Variants in FER observed in about 807,000 individuals in gnomAD.
The protein encoded by FER is FER tyrosine kinase.
FER carries 63 observed loss-of-function variants against 111.0 expected under a neutral mutation model. The observed-to-expected ratio is 0.57, with a 90% CI of 0.46 to 0.70. The LOEUF is 0.70. FER is among the 30% of genes least tolerant of loss of function. FER has a pLI of 0.00. For synonymous variants in FER, 327 were observed against 313.9 expected (o/e 1.04, Z -0.44); for missense variants, 914 against 954.0 (o/e 0.96, Z 0.55).
Position 108,802,935 on chromosome 5 carries a change from C to A in FER, c.207+4546C>A, listed in dbSNP as rs1756830289. Among the ~76,000 whole-genome samples the A allele has an allele frequency of 2.0e-5, 3 of 152,136 alleles. No individual in the cohort carries two copies. The South Asian group carries it at 6.2e-4, about 31-fold the overall frequency. On this transcript the variant is annotated intron_variant, in intron 3 of 19. Coordinates refer to ENST00000281092, the MANE Select transcript of FER (RefSeq NM_005246.4). ...ATCTCTAGAGTGCTTTCTCTAGTGG[C>A]TGAACTAATTTACATTTCCACCAAC...
chr5:108,841,231 C>T (rs907657677), intron 5 of FER, among the ~76,000 whole-genome samples: 6 of 151,928 alleles, frequency 3.9e-5, no homozygotes, highest in East Asian at 1.9e-4. Flanking sequence ...AGGTAGTGAA[C>T]GCATTTCAGT....
chr5:109,023,262 G>T (rs1342546701), intron 13 of FER, among the ~76,000 whole-genome samples: 1 of 152,046 alleles, frequency 6.6e-6, no homozygotes, highest in East Asian at 1.9e-4. Flanking sequence ...TAAGATTTTT[G>T]GTTTGAGAAC....
At position 109,189,210 on chromosome 5, in the gene FER, A is replaced by G. The variant is rs975871872; in HGVS notation, c.*1635A>G. On this transcript the variant is annotated 3_prime_UTR_variant, in exon 20 of 20. Coordinates refer to ENST00000281092, the MANE Select transcript of FER (RefSeq NM_005246.4). ...TACTTACTTACCCCATGATCTGTATATAGTTGCCTCTCAGGATAAATGCAT... is the reference window on the plus strand; with the variant it reads ...TACTTACTTACCCCATGATCTGTATGTAGTTGCCTCTCAGGATAAATGCAT... The G allele has an allele frequency of 2.6e-5, 4 of 152,046 alleles. No individual in the cohort carries two copies. Among genetic ancestry groups the G allele is most frequent in the Non-Finnish European group, 4.4e-5 (3 of 68,006 alleles). The allele number at this position is 152,046 out of a possible 1,614,324, so 9.4% of individuals were successfully genotyped here.
Position 108,798,380 on chromosome 5 carries a change from C to T in FER, c.198C>T (p.Asn66=), listed in dbSNP as rs190188307. The T allele has an allele frequency of 2.5e-5, 40 of 1,610,302 alleles. No individual in the cohort carries two copies. Among genetic ancestry groups the T allele is most frequent in the Admixed American group, 2.0e-4 (12 of 59,902 alleles). The change falls in exon 3 of 20, where the codon AAC becomes AAT. Residue 66 remains asparagine, a synonymous_variant. Coordinates refer to ENST00000281092, the MANE Select transcript of FER (RefSeq NM_005246.4). ...ESTVQMNYVS[N]VSKSWLLMIQ... ...CTGTCCAAATGAATTATGTCAGCAA[C>T]GTATCCAAGGTAAGAAGAATAATTT...
At chr5:109,177,043 C>T (rs1285468930) in intron 17 of FER, among the ~76,000 whole-genome samples, 1 of 151,986 alleles carries the variant, frequency 6.6e-6, no homozygotes, top group African/African-American at 2.4e-5. Flanking sequence ...TGATGGGAAA[C>T]GTTTGGTCAC....
chr5:108,814,444 C>A (rs1301843084), intron 3 of FER, among the ~76,000 whole-genome samples: 1 of 152,074 alleles, frequency 6.6e-6, no homozygotes. Context: ...TGTGTCCACC[C>A]TAGGTACAAT....
At chr5:108,821,667 A>G (rs890683384) in intron 3 of FER, among the ~76,000 whole-genome samples, 16 of 151,756 alleles carry the variant, frequency 1.1e-4, no homozygotes, top group Admixed American at 3.3e-4. Context: ...GTCTCCTTAG[A>G]GGTTTCCAAG....
At chr5:109,163,952 A>T (rs1756270678) in intron 17 of FER, among the ~76,000 whole-genome samples, 1 of 152,196 alleles carries the variant, frequency 6.6e-6, no homozygotes, top group South Asian at 2.1e-4. Flanking sequence ...TTATGAAAAC[A>T]TTCAGAAAAT....
intron 3 of FER, among the ~76,000 whole-genome samples, chr5:108,801,722 T>C (rs566079528): frequency 1.4e-4 from 21 of 152,324 alleles, no homozygotes; most frequent in Middle Eastern, 3.4e-3. Context: ...CTTAGCAAAC[T>C]CAGCATATGT....
At chr5:108,851,639 TG>T (rs774806685) in intron 5 of FER, among the ~76,000 whole-genome samples, 3 of 152,212 alleles carry the variant, frequency 2.0e-5, no homozygotes, top group Non-Finnish European at 4.4e-5. Context: ...TTTAATTGTA[TG>T]GTATTGAATT....
chr5:108,849,869 T>C (rs1331942821), intron 5 of FER, among the ~76,000 whole-genome samples: 2 of 152,072 alleles, frequency 1.3e-5, no homozygotes, highest in South Asian at 4.1e-4. Flanking sequence ...TAATAAAATT[T>C]TGTTTGTGAA....
At chr5:109,053,813 C>T (rs1367148303) in intron 16 of FER, among the ~76,000 whole-genome samples, 1 of 151,322 alleles carries the variant, frequency 6.6e-6, no homozygotes, top group Non-Finnish European at 1.5e-5. Context: ...GCCTCAGCCT[C>T]CCGAGTAGCT....
intron 5 of FER, among the ~76,000 whole-genome samples, chr5:108,856,613 A>G (rs1763033404): frequency 6.6e-6 from 1 of 152,174 alleles, no homozygotes; most frequent in South Asian, 2.1e-4. Flanking sequence ...CGTATCCAGT[A>G]TCTTTTAGGA....
chr5:109,051,879 A>C (rs2149928856), intron 16 of FER: 1 of 1,559,320 alleles, frequency 6.4e-7, no homozygotes. Context: ...AGTCCACCTG[A>C]TGTGGGCAGG....
intron 17 of FER, among the ~76,000 whole-genome samples, chr5:109,127,178 C>T (rs954583836): frequency 2.6e-5 from 4 of 152,078 alleles, no homozygotes; most frequent in African/African-American, 9.7e-5. Context: ...TATAGAGTTA[C>T]TCTGGGGGCT....
chr5:108,873,404 C>T (rs1764791914), intron 8 of FER, among the ~76,000 whole-genome samples: 1 of 152,120 alleles, frequency 6.6e-6, no homozygotes, highest in Non-Finnish European at 1.5e-5. Flanking sequence ...CTCGGCCTGC[C>T]AGAGTGCTGG....
chr5:109,144,215 A>T (rs2126648736), intron 17 of FER, among the ~76,000 whole-genome samples: 1 of 152,112 alleles, frequency 6.6e-6, no homozygotes, highest in Middle Eastern at 3.4e-3. Context: ...CATTTTTACC[A>T]ATAGGTTTTT....
chr5:108,820,591 A>G (rs1337425498), intron 3 of FER: 14 of 958,188 alleles, frequency 1.5e-5, no homozygotes, highest in Non-Finnish European at 1.7e-5. Context: ...TACCTTTTTA[A>G]TACCAGTAGT....
intron 17 of FER, among the ~76,000 whole-genome samples, chr5:109,179,662 C>T (rs1342080840): frequency 6.6e-6 from 1 of 152,042 alleles, no homozygotes; most frequent in East Asian, 1.9e-4. Flanking sequence ...AACATACAAA[C>T]TTCCTTGTCA....
Sources: allele counts gnomAD v4.1 joint callset (sites outside exome capture counted in the v4.1 genomes callset), GRCh38; gene constraint gnomAD v4.1.1; transcripts MANE v1.5; gene names NCBI Gene and HGNC (gene_info 2026-07-23, HGNC 2026-07-21).